GNB4: variants seen among roughly 807,000 people sequenced by gnomAD.
The protein encoded by GNB4 is G protein subunit beta 4.
Under a neutral mutation model 45.2 loss-of-function variants are expected in GNB4, and 28 were observed. The observed-to-expected ratio is 0.62, with a 90% confidence interval of 0.46 to 0.85. The LOEUF (loss-of-function observed/expected upper bound fraction) is 0.85, where lower values mean the gene tolerates loss of function less well. Ranked by LOEUF, GNB4 falls within the 40% of genes least tolerant of loss-of-function variation. The pLI is 0.00. For missense variants in GNB4, 321 were observed against 425.4 expected (o/e 0.75, Z 2.16); for synonymous variants, 132 against 143.7 (o/e 0.92, Z 0.58).
At chr3:179,440,135 A>G (rs576884598) in intron 1 of GNB4, among the ~76,000 whole-genome samples, 2 of 152,304 alleles carry the variant, frequency 1.3e-5, no homozygotes. Flanking sequence ...TTAACAATTA[A>G]TTCCTTGACA....
In GNB4 at chr3:179,411,945, G is replaced by C. The variant is rs532265110; in HGVS notation, c.699+1467C>G. Among the ~76,000 whole-genome samples the C allele has an allele frequency of 3.9e-5, 6 of 152,228 alleles. No homozygotes were observed. The South Asian group carries it at 6.2e-4, about 16-fold the overall frequency. On this transcript the variant is annotated intron_variant, in intron 8 of 9. Transcript: ENST00000232564. ...TACTGTTTGGCATCTGATCTGCTTA[G>C]GTAACCTAACTCAAGCAGTATCCTA...
chr3:179,526,412 G>A, the GNB4 span, among the ~76,000 whole-genome samples: 2 of 152,146 alleles, frequency 1.3e-5, no homozygotes, highest in South Asian at 4.1e-4. Flanking sequence ...ATGCAGAACT[G>A]GGATTGTTGC....
At chr3:179,489,206 T>C in the GNB4 span, among the ~76,000 whole-genome samples, 4 of 151,016 alleles carry the variant, frequency 2.6e-5, no homozygotes, top group African/African-American at 9.7e-5. Flanking sequence ...ATACAATTTG[T>C]TTATCAAAAT....
the GNB4 span, among the ~76,000 whole-genome samples, chr3:179,524,127 T>C: frequency 2.6e-5 from 4 of 152,214 alleles, no homozygotes; most frequent in Non-Finnish European, 5.9e-5. Flanking sequence ...CCCTCCACTA[T>C]AAGAGTTATC....
chr3:179,516,925 A>G, the GNB4 span, among the ~76,000 whole-genome samples: 1 of 152,190 alleles, frequency 6.6e-6, no homozygotes, highest in Non-Finnish European at 1.5e-5. Context: ...TGGCCCTTGC[A>G]GTGAATGACT....
intron 1 of GNB4, among the ~76,000 whole-genome samples, chr3:179,430,627 T>C (rs1715283765): frequency 6.6e-6 from 1 of 151,326 alleles, no homozygotes; most frequent in Non-Finnish European, 1.5e-5. Context: ...CTAATTTTTT[T>C]TTTTTTTTTT....
chr3:179,479,180 C>T, the GNB4 span, among the ~76,000 whole-genome samples: 1 of 152,168 alleles, frequency 6.6e-6, no homozygotes, highest in Non-Finnish European at 1.5e-5. Flanking sequence ...TACTAGTCAT[C>T]TTATTCAAGA....
rs184192712 is a variant in GNB4, at chr3:179,442,842, C to A, written c.-43+8504G>T. Among the ~76,000 whole-genome samples, 356 of 152,168 alleles carry A rather than the reference C, an allele frequency of 2.3e-3. 5 individuals are homozygous for A. The highest frequency in any genetic ancestry group is 5.1e-4 in the Non-Finnish European group (35 of 67,998). ...TGGGGTCCTTACTATGTTGCCTAGG[C>A]CTGTCTTGACATCCTGAGCTCAGAC... On this transcript the variant is annotated intron_variant, in intron 1 of 9. Transcript: ENST00000232564.
At chr3:179,426,987 C>CA (rs1577034411) in intron 1 of GNB4, among the ~76,000 whole-genome samples, 14 of 151,992 alleles carry the variant, frequency 9.2e-5, no homozygotes, top group South Asian at 4.2e-4. Context: ...CACACACACA[C>CA]CCCCCTCTGA....
chr3:179,445,741 T>C (rs1157211701), intron 1 of GNB4, among the ~76,000 whole-genome samples: 2 of 152,244 alleles, frequency 1.3e-5, no homozygotes, highest in African/African-American at 4.8e-5. Context: ...CGCTCTGACT[T>C]GCAGAGATAC....
the GNB4 span, among the ~76,000 whole-genome samples, chr3:179,519,122 C>T: frequency 8.5e-5 from 13 of 152,350 alleles, no homozygotes; most frequent in South Asian, 8.3e-4. Context: ...GCCTGCCTCT[C>T]CCAGGAGCTT....
At chr3:179,479,625 G>A in the GNB4 span, among the ~76,000 whole-genome samples, 3 of 152,138 alleles carry the variant, frequency 2.0e-5, no homozygotes, top group South Asian at 6.2e-4. Context: ...ATTTTGCCAA[G>A]CGAATGGAGA....
chr3:179,429,027 TG>T (rs1362105999), intron 1 of GNB4, among the ~76,000 whole-genome samples: 1 of 152,204 alleles, frequency 6.6e-6, no homozygotes, highest in South Asian at 2.1e-4. Flanking sequence ...ACTCCGTGGA[TG>T]GGGCACCGAT....
chr3:179,441,250 T>G (rs546308000), intron 1 of GNB4, among the ~76,000 whole-genome samples: 24 of 152,320 alleles, frequency 1.6e-4, no homozygotes, highest in African/African-American at 5.8e-4. Context: ...ATTTCATCAC[T>G]GTGCAAACAT....
At chr3:179,406,974 T>A (rs1714492146) in intron 8 of GNB4, among the ~76,000 whole-genome samples, 1 of 152,168 alleles carries the variant, frequency 6.6e-6, no homozygotes, top group African/African-American at 2.4e-5. Context: ...CTACTCAATG[T>A]TTTTCTTCAA....
At chr3:179,468,031 T>TTAAAAAAAAAAAAAAAAAAAAA in the GNB4 span, among the ~76,000 whole-genome samples, 2 of 67,288 alleles carry the variant, frequency 3.0e-5, no homozygotes, top group African/African-American at 1.2e-4. Context: ...ATTTTGTTGA[T>TTAAAAAAAAAAAAAAAAAAAAA]AAAAATATAT....
intron 5 of GNB4, 114 bp downstream of exon 5, chr3:179,416,375 TAAAC>T (rs1337368856): frequency 1.7e-5 from 11 of 640,528 alleles, no homozygotes; most frequent in Non-Finnish European, 2.2e-5. Context: ...TAGATTAAAA[TAAAC>T]AATAAATTTA....
chr3:179,475,328 C>T, the GNB4 span, among the ~76,000 whole-genome samples: 69 of 151,774 alleles, frequency 4.5e-4, no homozygotes, highest in African/African-American at 1.5e-3. Context: ...ACCATGTTAG[C>T]CAGGAAAGTC....
the GNB4 span, among the ~76,000 whole-genome samples, chr3:179,514,093 T>C: frequency 1.3e-5 from 2 of 152,052 alleles, no homozygotes; most frequent in Admixed American, 6.6e-5. Flanking sequence ...CATAGCAGAG[T>C]TGAGGCATGA....
Sources: allele counts gnomAD v4.1 joint callset (sites outside exome capture counted in the v4.1 genomes callset), GRCh38; gene constraint gnomAD v4.1.1; transcripts MANE v1.5; gene names NCBI Gene and HGNC (gene_info 2026-07-23, HGNC 2026-07-21).